Variants in ASMTL observed in about 807,000 individuals in gnomAD.
The protein encoded by ASMTL is acetylserotonin O-methyltransferase like.
In ASMTL, 57 loss-of-function variants were observed where a neutral mutation model predicts 60.3. The ratio of observed to expected loss-of-function variants is 0.95; its 90% CI spans 0.76 to 1.18. The LOEUF is 1.18. Ranked by LOEUF, ASMTL falls within the 50% of genes most tolerant of loss-of-function variation. The probability of loss-of-function intolerance (pLI) is 0.00; values close to 1 mark genes in which losing one functional copy is unlikely to be tolerated. For synonymous variants in ASMTL, 419 were observed against 373.0 expected, an observed-to-expected ratio of 1.12 and a Z score of -1.42; for missense variants, 981 against 852.6, an observed-to-expected ratio of 1.15 and a Z score of -1.88.
At chrX:1,411,858 G>C (rs2090040697) in intron 12 of ASMTL, among the ~76,000 whole-genome samples, 1 of 139,260 alleles carries the variant, frequency 7.2e-6, no homozygotes, top group African/African-American at 2.7e-5. Context: ...TGTTACCCAG[G>C]CTGGAGTGCG....
chrX:1,426,981 T>TCAAAAA (rs1360615980), intron 7 of ASMTL, among the ~76,000 whole-genome samples: 2 of 147,860 alleles, frequency 1.4e-5, no homozygotes, highest in Admixed American at 6.8e-5. Context: ...AGACTCTGTC[T>TCAAAAA]CAAAAACAAA....
chrX:1,407,451 ATAGG>A (rs1363942276), intron 12 of ASMTL, among the ~76,000 whole-genome samples: 2 of 148,364 alleles, frequency 1.3e-5, no homozygotes, highest in African/African-American at 5.1e-5. Context: ...ATGGTAGATG[ATAGG>A]TAGATAGATG....
chrX:1,427,822 G>A lies in ASMTL; in HGVS notation c.809C>T (p.Ala270Val), dbSNP rs751681686. 1.2e-6 allele frequency: 2 copies of A among 1,612,300 alleles called. No individual in the cohort carries two copies. Among genetic ancestry groups the A allele is most frequent in the East Asian group, 2.2e-5 (1 of 44,874 alleles). Residue 270 changes from alanine (A) to valine (V), a missense_variant, in exon 7 of 13, where the codon GCA becomes GTA. Transcript: ENST00000381317. ...CCGAGTCCTGTGACACTCAGCCTCT[G>A]CCGTGGCCTGTCCCGCCTCTCCCGC... ...AEAGEAGQATAEAECHRTRET... is the reference protein window; with the variant it reads ...AEAGEAGQATVEAECHRTRET...
chrX:1,425,774 T>C, intron 7 of ASMTL, 87 bp from the exon 8 acceptor site: 1 of 1,410,304 alleles, frequency 7.1e-7, no homozygotes, highest in Non-Finnish European at 9.7e-7. Flanking sequence ...AGGCCAACGC[T>C]GTCGGAAGTA....
chrX:1,431,984 C>T, intron 6 of ASMTL: 1 of 477,876 alleles, frequency 2.1e-6, no homozygotes, highest in Non-Finnish European at 3.8e-6. Context: ...CCTCCCACCA[C>T]GTGAACTCCT....
chrX:1,442,051 T>A, intron 2 of ASMTL, 135 bp downstream of exon 2: 1 of 950,998 alleles, frequency 1.1e-6, no homozygotes, highest in Non-Finnish European at 1.6e-6. Context: ...CATTATAACA[T>A]AGCAATAGCT....
chrX:1,410,475 C>T (rs751924685), intron 12 of ASMTL, among the ~76,000 whole-genome samples: 3 of 151,262 alleles, frequency 2.0e-5, no homozygotes, highest in Non-Finnish European at 2.9e-5. Flanking sequence ...AGTGCAGTGG[C>T]GCGATCTCTG....
intron 3 of ASMTL, among the ~76,000 whole-genome samples, chrX:1,438,627 C>T (rs2091034477): frequency 6.6e-6 from 1 of 152,230 alleles, no homozygotes; most frequent in African/African-American, 2.4e-5. Context: ...ATTCCCCTGC[C>T]TCAGCCTCCC....
chrX:1,418,942 A>G, intron 10 of ASMTL, 40 bp downstream of exon 10: 11 of 1,611,056 alleles, frequency 6.8e-6, no homozygotes, highest in South Asian at 1.1e-5. Context: ...GTGGCTTAAT[A>G]AACGAAAGTA....
chrX:1,449,251 G>A (rs1331581299), intron 1 of ASMTL, among the ~76,000 whole-genome samples: 16 of 151,692 alleles, frequency 1.1e-4, no homozygotes, highest in African/African-American at 2.4e-4. Flanking sequence ...TTCTTTTTTC[G>A]TCTTTCTTCC....
rs1191286971 is a variant in ASMTL at position 1,440,089 on chromosome X, CT to C, written c.226-946del. Among the ~76,000 whole-genome samples the C allele has an allele frequency of 3.6e-3, 434 of 120,232 alleles. 1 individual carries two copies. Among genetic ancestry groups the C allele is most frequent in the African/African-American group, 7.1e-3 (221 of 31,186 alleles). 78.9% of individuals were successfully genotyped at this position (120,232 alleles called of 152,430 possible). On this transcript the variant is annotated intron_variant, in intron 2 of 12. Coordinates refer to ENST00000381317, the MANE Select transcript of ASMTL (RefSeq NM_004192.4). ...TTACCTCTAATGTATTTCTTTCTTT[CT>C]TTTTTTTTTTTTTTGAGATGGAGTC...
At chrX:1,419,583 C>T (rs1355119641) in intron 9 of ASMTL, among the ~76,000 whole-genome samples, 5 of 151,958 alleles carry the variant, frequency 3.3e-5, no homozygotes, top group African/African-American at 1.2e-4. Context: ...CTCCTCCGAG[C>T]TTCTCCAAGT....
Position 1,427,980 on chromosome X carries a change from C to T in ASMTL, c.651G>A (p.Pro217=), listed in dbSNP as rs200794928. Residue 217 remains proline, a synonymous_variant, in exon 7 of 13, where the codon CCG becomes CCA. Transcript: ENST00000381317. ...QLVKLYYPPR[P]EDLRRSVKHD... ...GCTTGACACTCCGCCGCAGGTCCTC[C>T]GGACGGGGCGGGTAGTAGAGCTTCA... is the stretch of plus-strand genomic sequence containing the variant. The T allele has an allele frequency of 5.5e-5, 88 of 1,613,538 alleles. No homozygotes were observed. Among genetic ancestry groups the T allele is most frequent in the East Asian group, 3.6e-4 (16 of 44,874 alleles).
intron 12 of ASMTL, among the ~76,000 whole-genome samples, chrX:1,411,957 A>G (rs1165963817): frequency 5.3e-5 from 8 of 150,842 alleles, no homozygotes; most frequent in South Asian, 2.1e-4. Flanking sequence ...GATTACAGGC[A>G]CCCGCTATCA....
chrX:1,450,601 C>T (rs1296325351), intron 1 of ASMTL, among the ~76,000 whole-genome samples: 3 of 138,716 alleles, frequency 2.2e-5, no homozygotes, highest in Non-Finnish European at 4.7e-5. Context: ...TCACTCTCCC[C>T]TCCCCCATCC....
upstream of ASMTL, among the ~76,000 whole-genome samples, chrX:1,453,286 C>A (rs2091441459): frequency 6.6e-6 from 1 of 151,658 alleles, no homozygotes; most frequent in East Asian, 2.0e-4. Context: ...CGCCAGGCCA[C>A]GCCCATGCCA....
chrX:1,428,368 G>C (rs1436713733), intron 6 of ASMTL, among the ~76,000 whole-genome samples: 1 of 151,260 alleles, frequency 6.6e-6, no homozygotes, highest in Non-Finnish European at 1.5e-5. Context: ...AAGGCTGGGC[G>C]CAATGGCTCA....
chrX:1,452,724 G>A (rs1211317534), intron 1 of ASMTL, 24 bp downstream of exon 1: 4 of 1,568,044 alleles, frequency 2.6e-6, no homozygotes, highest in Non-Finnish European at 3.4e-6. Context: ...CCGGTCCCCT[G>A]CCCCGCCCAG....
chrX:1,427,410 C>A (rs1216205033), intron 7 of ASMTL, among the ~76,000 whole-genome samples: 2 of 151,632 alleles, frequency 1.3e-5, no homozygotes, highest in African/African-American at 4.8e-5. Flanking sequence ...GAAATCATCA[C>A]GAAGAAGGGT....
Sources: gnomAD v4.1 joint callset for allele counts (sites outside exome capture counted in the v4.1 genomes callset) on GRCh38, gnomAD v4.1.1 for gene constraint, MANE v1.5 for transcripts, NCBI Gene and HGNC (gene_info 2026-07-23, HGNC 2026-07-21) for gene names.